Variants in PHACTR2 observed in about 807,000 individuals in gnomAD.
PHACTR2 encodes the protein phosphatase and actin regulator 2, also known as chromosome 6 open reading frame 56.
Under a neutral mutation model 76.0 loss-of-function variants are expected in PHACTR2, and 30 were observed. That is an observed-to-expected ratio of 0.39 (90% confidence interval 0.30 to 0.54). PHACTR2 has a LOEUF of 0.54. PHACTR2 is among the 20% of genes least tolerant of loss of function. PHACTR2 has a pLI of 0.61. For missense variants in PHACTR2, 696 were observed against 781.1 expected (o/e 0.89, Z 1.30); for synonymous variants, 292 against 292.5 (o/e 1.00, Z 0.02).
In PHACTR2 at chr6:143,646,038, G is replaced by T. The variant is rs1776654601; in HGVS notation, c.13+37716G>T. 6.6e-6 allele frequency among the ~76,000 whole-genome samples: 1 copy of T among 152,106 alleles called. No individual in the cohort carries two copies. Among genetic ancestry groups the T allele is most frequent in the African/African-American group, 2.4e-5 (1 of 41,530 alleles). On this transcript the variant is annotated intron_variant, in intron 1 of 11. Transcript: ENST00000305766. This position sits in a 1 kb window ranked among gnomAD's most constrained non-coding sequence, Gnocchi z 4.1. ...GCATAGATTTAAAAAAACTGGAGAA[G>T]AATAATTATGCAGAGATAAACGTGT...
intron 1 of PHACTR2, among the ~76,000 whole-genome samples, chr6:143,615,895 C>T (rs996470350): frequency 1.3e-5 from 2 of 152,166 alleles, no homozygotes; most frequent in Non-Finnish European, 2.9e-5. Flanking sequence ...AATGCTAACA[C>T]GTTACATTCC....
At position 143,830,293 on chromosome 6, in the gene PHACTR2, T is replaced by C. The variant is rs997400576; in HGVS notation, c.*6604T>C. 1.3e-5 allele frequency: 2 copies of C among 151,948 alleles called. No individual in the cohort carries two copies. The highest frequency in any genetic ancestry group is 4.8e-5 in the African/African-American group (2 of 41,434). The allele number at this position is 151,948 out of a possible 1,614,324, so 9.4% of individuals were successfully genotyped here. ...TCAAACAAGTTTCTTTTTTTTTTTT[T>C]TTTTTCTGTGTAACAGGGATTTTTA... On this transcript the variant is annotated 3_prime_UTR_variant, in exon 13 of 13. Transcript: ENST00000440869.
At chr6:143,808,637 C>G (rs1776113225) in intron 12 of PHACTR2, among the ~76,000 whole-genome samples, 1 of 152,038 alleles carries the variant, frequency 6.6e-6, no homozygotes, top group African/African-American at 2.4e-5. Context: ...CTTGAGGAAT[C>G]CATGGATTTT....
In PHACTR2 at chr6:143,725,802, G is replaced by T. The variant is rs1237637369; in HGVS notation, c.214+13619G>T. 2.7e-5 allele frequency among the ~76,000 whole-genome samples: 4 copies of T among 147,818 alleles called. No individual in the cohort carries two copies. In the East Asian group the frequency reaches 6.1e-4, roughly 22 times the overall value. On this transcript the variant is annotated intron_variant, in intron 2 of 12. Coordinates refer to ENST00000440869, the MANE Select transcript of PHACTR2 (RefSeq NM_001100164.2). ...GACTGAGCCACTGCACACCAGCCTG[G>T]CAATAGAGACTCTGTCTCAAAAAAA...
At chr6:143,771,174 GTATA>G (rs748236479) in intron 6 of PHACTR2, among the ~76,000 whole-genome samples, 12,785 of 67,872 alleles carry the variant, frequency 0.19, 1,644 homozygotes, top group Non-Finnish European at 0.24. Context: ...ATATATATAT[GTATA>G]TATATATATA....
intron 1 of PHACTR2, among the ~76,000 whole-genome samples, chr6:143,704,242 A>G (rs1002523867): frequency 2.0e-5 from 3 of 152,150 alleles, no homozygotes; most frequent in Non-Finnish European, 2.9e-5. Context: ...GGTGTTGAAT[A>G]CTACTTACCT....
rs1776998296 is a variant in PHACTR2 at position 143,664,426 on chromosome 6, T to C, written c.14-47590T>C. Among the ~76,000 whole-genome samples, 1 of 152,200 alleles carries C rather than the reference T, an allele frequency of 6.6e-6. No homozygotes were observed. The highest frequency in any genetic ancestry group is 6.5e-5 in the Admixed American group (1 of 15,278). Reference sequence around the variant, plus strand: ...TTGAGATTACTAATTTGGACTTACATTGCCATCTTAATTTGTGTCATCTTT... The same window carrying C: ...TTGAGATTACTAATTTGGACTTACACTGCCATCTTAATTTGTGTCATCTTT... On this transcript the variant is annotated intron_variant, in intron 1 of 11. Transcript: ENST00000305766. This position sits in a 1 kb window ranked among gnomAD's most constrained non-coding sequence, Gnocchi z 5.1.
rs1190039194 is a variant in PHACTR2, at chr6:143,702,773, CTT to C, written c.47-9218_47-9217del. On this transcript the variant is annotated intron_variant, in intron 1 of 12. Coordinates refer to ENST00000440869, the MANE Select transcript of PHACTR2 (RefSeq NM_001100164.2). Reference sequence around the variant, plus strand: ...ATGCATTGTAAGAATATATATACAACTTTTTTTTTTTTTTTTTTTTTTTTTTA... The same window carrying C: ...ATGCATTGTAAGAATATATATACAACTTTTTTTTTTTTTTTTTTTTTTTTA... Among the ~76,000 whole-genome samples, 599 of 100,106 alleles carry C rather than the reference CTT, an allele frequency of 6.0e-3. 2 individuals are homozygous for C. Among genetic ancestry groups the C allele is most frequent in the Middle Eastern group, 0.013 (2 of 150 alleles). 65.7% of individuals were successfully genotyped at this position (100,106 alleles called of 152,430 possible).
chr6:143,728,039 C>A (rs1479851604), intron 2 of PHACTR2, among the ~76,000 whole-genome samples: 1 of 77,814 alleles, frequency 1.3e-5, no homozygotes, highest in East Asian at 3.5e-4. Flanking sequence ...AAGAGAAAGA[C>A]AAACTGCAGA....
At chr6:143,762,012 A>T (rs1193019964) in intron 5 of PHACTR2, among the ~76,000 whole-genome samples, 4 of 152,066 alleles carry the variant, frequency 2.6e-5, no homozygotes, top group African/African-American at 7.2e-5. Context: ...TCCCAGAATG[A>T]TGTGCCAACA....
At chr6:143,797,357 G>A (rs2128481512) in intron 11 of PHACTR2, among the ~76,000 whole-genome samples, 1 of 152,282 alleles carries the variant, frequency 6.6e-6, no homozygotes, top group East Asian at 1.9e-4. Context: ...CCATTCTGTA[G>A]GTTGCCTGTT....
intron 1 of PHACTR2, among the ~76,000 whole-genome samples, chr6:143,704,634 A>C (rs190419908): frequency 2.1e-4 from 32 of 152,332 alleles, no homozygotes; most frequent in Admixed American, 1.8e-3. Flanking sequence ...ACCAAGGAAC[A>C]AACACTGATA....
chr6:143,714,390 C>T (rs528722292), intron 2 of PHACTR2, among the ~76,000 whole-genome samples: 5 of 152,268 alleles, frequency 3.3e-5, no homozygotes, highest in Non-Finnish European at 5.9e-5. Flanking sequence ...TATAGGAATT[C>T]TTAATTGGTA....
At chr6:143,732,984 G>T (rs1778736143) in intron 2 of PHACTR2, among the ~76,000 whole-genome samples, 1 of 152,056 alleles carries the variant, frequency 6.6e-6, no homozygotes, top group Non-Finnish European at 1.5e-5. Flanking sequence ...TAACTCCTGG[G>T]CTCAAAGCAA....
At chr6:143,736,717 G>T (rs1778830176) in intron 2 of PHACTR2, among the ~76,000 whole-genome samples, 1 of 151,196 alleles carries the variant, frequency 6.6e-6, no homozygotes, top group Non-Finnish European at 1.5e-5. Context: ...GGGACTACAG[G>T]CACCCGCCAC....
intron 1 of PHACTR2, among the ~76,000 whole-genome samples, chr6:143,574,492 A>T (rs1775483411): frequency 6.6e-6 from 1 of 152,106 alleles, no homozygotes; most frequent in Non-Finnish European, 1.5e-5. Context: ...CAACATTGAT[A>T]CCTCTCATAG....
At chr6:143,773,530 CA>C (rs60299258) in intron 7 of PHACTR2, among the ~76,000 whole-genome samples, 26,384 of 107,988 alleles carry the variant, frequency 0.24, 2,459 homozygotes, top group East Asian at 0.44. Flanking sequence ...TTGCATGGAG[CA>C]AAAAAAAAAA....
rs989765145 is a variant in PHACTR2, at chr6:143,793,462, C to T, written c.1845+4552C>T. On this transcript the variant is annotated intron_variant, in intron 11 of 12. Transcript: ENST00000440869. The surrounding 1 kb of genome is among the most constrained non-coding windows in gnomAD (Gnocchi z 4.4). ...CAGCCACTGCCCCTCTCTCCTCACA[C>T]ATGGGCCTCATTTTCTCCCTCTGAC... Among the ~76,000 whole-genome samples, 8 of 152,162 alleles carry T rather than the reference C, an allele frequency of 5.3e-5. No homozygotes were observed. Among genetic ancestry groups the T allele is most frequent in the African/African-American group, 1.9e-4 (8 of 41,448 alleles).
rs1389661933 is a variant in PHACTR2 at position 143,684,356 on chromosome 6, TTTC to T, written c.46+6148_46+6150del. On this transcript the variant is annotated intron_variant, in intron 1 of 12. Coordinates refer to ENST00000440869, the MANE Select transcript of PHACTR2 (RefSeq NM_001100164.2). This position sits in a 1 kb window ranked among gnomAD's most constrained non-coding sequence, Gnocchi z 4.3. Reference sequence around the variant, plus strand: ...CAAGATCTAGGAGTTATTCTTAGGTTTTCCTTTCCCCCTCCACATGGATCCATC... The same window carrying T: ...CAAGATCTAGGAGTTATTCTTAGGTTCTTTCCCCCTCCACATGGATCCATC... Among the ~76,000 whole-genome samples, 5 of 152,180 alleles carry T rather than the reference TTTC, an allele frequency of 3.3e-5. No individual in the cohort carries two copies. The highest frequency in any genetic ancestry group is 7.3e-5 in the Non-Finnish European group (5 of 68,030).
Sources: allele counts gnomAD v4.1 joint callset (sites outside exome capture counted in the v4.1 genomes callset), GRCh38; gene constraint gnomAD v4.1.1; non-coding constraint Gnocchi (gnomAD v3.1); transcripts MANE v1.5; gene names NCBI Gene and HGNC (gene_info 2026-07-23, HGNC 2026-07-21).